Variants in EPS15 observed in about 807,000 individuals in gnomAD.
EPS15 encodes epidermal growth factor receptor pathway substrate 15, also known as epidermal growth factor receptor substrate 15.
A neutral mutation model predicts 113.8 loss-of-function variants in EPS15; 72 were observed. The observed-to-expected ratio is 0.63, with a 90% confidence interval of 0.52 to 0.77. The LOEUF is 0.77. Among genes scored for constraint, EPS15 ranks in the 30% least tolerant of loss-of-function variants. The pLI, the probability that EPS15 is intolerant of heterozygous loss-of-function variation, is 0.00. For missense variants in EPS15, 1,048 were observed against 1,045.8 expected (o/e 1.00, Z -0.03); for synonymous variants, 344 against 363.4 (o/e 0.95, Z 0.61).
At chr1:51,515,284 TAGTG>T (rs543415686) in intron 1 of EPS15, among the ~76,000 whole-genome samples, 163 of 151,580 alleles carry the variant, frequency 1.1e-3, no homozygotes, top group Non-Finnish European at 1.8e-3. Context: ...TCTGACAACA[TAGTG>T]AGTGAGTCCC....
At chr1:51,361,794 A>C (rs1646392892) in intron 23 of EPS15, among the ~76,000 whole-genome samples, 1 of 152,166 alleles carries the variant, frequency 6.6e-6, no homozygotes, top group African/African-American at 2.4e-5. Flanking sequence ...AGAGCAAATG[A>C]CCTCTGAAAA....
chr1:51,366,057 A>G, intron 21 of EPS15, 28 bp from the exon 22 acceptor site: 4 of 1,530,816 alleles, frequency 2.6e-6, no homozygotes, highest in Non-Finnish European at 3.6e-6. Context: ...AATAAATGAA[A>G]CAGGACAGTA....
chr1:51,392,643 A>G (rs1433074959), intron 21 of EPS15, among the ~76,000 whole-genome samples: 3 of 152,218 alleles, frequency 2.0e-5, no homozygotes, highest in African/African-American at 4.8e-5. Context: ...TTCTGCCTCC[A>G]TTCCTTGTTC....
chr1:51,502,688 A>T (rs969851382), intron 1 of EPS15, among the ~76,000 whole-genome samples: 4 of 152,202 alleles, frequency 2.6e-5, no homozygotes, highest in South Asian at 2.1e-4. Flanking sequence ...ACTTCCAACG[A>T]AGAATCTGTA....
intron 21 of EPS15, among the ~76,000 whole-genome samples, chr1:51,376,174 T>C (rs953653815): frequency 1.3e-5 from 2 of 152,254 alleles, no homozygotes; most frequent in Non-Finnish European, 2.9e-5. Context: ...CTAATGCAGC[T>C]GTGGCAACTT....
intron 23 of EPS15, among the ~76,000 whole-genome samples, chr1:51,363,465 A>G (rs992598440): frequency 1.3e-5 from 2 of 152,186 alleles, no homozygotes; most frequent in African/African-American, 4.8e-5. Context: ...CTTTACAGGA[A>G]AAGGACTTTG....
intron 1 of EPS15, among the ~76,000 whole-genome samples, chr1:51,516,302 G>A (rs1397464094): frequency 2.0e-5 from 3 of 152,144 alleles, no homozygotes; most frequent in Non-Finnish European, 4.4e-5. Flanking sequence ...TTGTCTCCAA[G>A]GTCAAAGAAT....
chr1:51,388,779 C>A (rs539417683), intron 21 of EPS15, among the ~76,000 whole-genome samples: 180 of 152,228 alleles, frequency 1.2e-3, no homozygotes, highest in African/African-American at 4.1e-3. Flanking sequence ...AAGAAGTTGA[C>A]TCTCTGAATA....
At chr1:51,461,430 A>C (rs556393700) in intron 7 of EPS15, among the ~76,000 whole-genome samples, 1 of 149,154 alleles carries the variant, frequency 6.7e-6, no homozygotes, top group African/African-American at 2.4e-5. Context: ...CTGAGGTAGG[A>C]GGATCCCTTA....
At chr1:51,398,386 G>GC (rs931657326) in intron 20 of EPS15, among the ~76,000 whole-genome samples, 1 of 152,102 alleles carries the variant, frequency 6.6e-6, no homozygotes, top group African/African-American at 2.4e-5. Context: ...AGATAAAACA[G>GC]CAACTAGCTA....
intron 1 of EPS15, among the ~76,000 whole-genome samples, chr1:51,482,006 C>A (rs904310383): frequency 6.6e-6 from 1 of 152,020 alleles, no homozygotes; most frequent in Admixed American, 6.6e-5. Context: ...CTCGTCTTTA[C>A]AAATAATTTA....
At chr1:51,458,609 T>C (rs1654197873) in intron 8 of EPS15, 1 of 431,266 alleles carries the variant, frequency 2.3e-6, no homozygotes, top group Non-Finnish European at 4.7e-6. Context: ...TGGTGGTGCA[T>C]GCCTGTAATC....
intron 21 of EPS15, among the ~76,000 whole-genome samples, chr1:51,368,088 C>T (rs1025054957): frequency 1.8e-4 from 28 of 151,774 alleles, no homozygotes; most frequent in South Asian, 1.5e-3. Flanking sequence ...GCTGAGATTG[C>T]GCCACTGCAC....
chr1:51,379,322 G>A (rs141170087), intron 21 of EPS15, among the ~76,000 whole-genome samples: 1,692 of 152,140 alleles, frequency 0.011, 31 homozygotes, highest in African/African-American at 0.037. Context: ...GTTTCATCAT[G>A]TTGGCCAGGC....
rs569613631 is a variant in EPS15 at position 51,476,848 on chromosome 1, C to T, written c.76-3900G>A. 8.1e-4 allele frequency among the ~76,000 whole-genome samples: 124 copies of T among 152,226 alleles called. 1 individual carries two copies. The highest frequency in any genetic ancestry group is 2.8e-3 in the African/African-American group (116 of 41,536). On this transcript the variant is annotated intron_variant, in intron 2 of 24. Coordinates refer to ENST00000371733, the MANE Select transcript of EPS15 (RefSeq NM_001981.3). ...AAGCTTTATGATGTGCTGCTGGATTCGGTTTGCCAGTATTTTATTGAGGAT... is the reference window on the plus strand; with the variant it reads ...AAGCTTTATGATGTGCTGCTGGATTTGGTTTGCCAGTATTTTATTGAGGAT...
chr1:51,442,568 T>C (rs1409357850), intron 11 of EPS15, among the ~76,000 whole-genome samples: 2 of 152,234 alleles, frequency 1.3e-5, no homozygotes, highest in African/African-American at 4.8e-5. Flanking sequence ...GCATGTCCCC[T>C]TCTTTCAAAA....
In EPS15 at chr1:51,519,215, T is replaced by A; in HGVS notation, c.17A>T (p.Gln6Leu). Residue 6 changes from glutamine (Q) to leucine (L), a missense_variant, in exon 1 of 25, where the codon CAG becomes CTG. Coordinates refer to ENST00000371733, the MANE Select transcript of EPS15 (RefSeq NM_001981.3). MAAAA[Q>L]LSLTQLSSGN... ...TGGCGTTACCTGTGTCAGAGAGAGC[T>A]GGGCCGCCGCAGCCATGGTGTTTCC... 1 of 1,292,616 alleles carries A rather than the reference T, an allele frequency of 7.7e-7. No homozygotes were observed. Among genetic ancestry groups the A allele is most frequent in the Non-Finnish European group, 1.0e-6 (1 of 1,000,378 alleles). 80.1% of individuals were successfully genotyped at this position (1,292,616 alleles called of 1,614,324 possible).
rs781340969 is a variant in EPS15 at position 51,472,855 on chromosome 1, C to T, written c.165+4G>A. On this transcript the variant is annotated splice_donor_region_variant and intron_variant, in intron 3 of 24. Coordinates refer to ENST00000371733, the MANE Select transcript of EPS15 (RefSeq NM_001981.3). ...ATAATCTAGTTATAATGAACGAATA[C>T]TACCTTTCCAAGTATCAAGTCTGGA... is the stretch of plus-strand genomic sequence containing the variant. 1.2e-6 allele frequency: 2 copies of T among 1,605,020 alleles called. No individual in the cohort carries two copies. Among genetic ancestry groups the T allele is most frequent in the South Asian group, 2.2e-5 (2 of 90,878 alleles).
chr1:51,396,717 G>A (rs1011669340), intron 20 of EPS15, among the ~76,000 whole-genome samples: 8 of 152,156 alleles, frequency 5.3e-5, no homozygotes, highest in Non-Finnish European at 7.3e-5. Flanking sequence ...AGATTGTGCA[G>A]CCCATGAAGG....
Sources: allele counts gnomAD v4.1 joint callset (sites outside exome capture counted in the v4.1 genomes callset), GRCh38; gene constraint gnomAD v4.1.1; transcripts MANE v1.5; gene names NCBI Gene and HGNC (gene_info 2026-07-23, HGNC 2026-07-21).